Variants in ROBO1 observed in about 807,000 individuals in gnomAD.
ROBO1 encodes roundabout guidance receptor 1.
ROBO1 carries 149 observed loss-of-function variants against 195.9 expected under a neutral mutation model. The ratio of observed to expected loss-of-function variants is 0.76; its 90% confidence interval spans 0.67 to 0.87. The LOEUF (loss-of-function observed/expected upper bound fraction) is 0.87, where lower values mean the gene tolerates loss of function less well. Among genes scored for constraint, ROBO1 ranks in the 40% least tolerant of loss-of-function variants. The pLI is 0.00. For missense variants in ROBO1, 1,933 were observed against 2,068.3 expected (o/e 0.93, Z 1.27); for synonymous variants, 816 against 733.2 (o/e 1.11, Z -1.82).
intron 2 of ROBO1, among the ~76,000 whole-genome samples, chr3:79,457,747 G>A (rs556163382): frequency 6.6e-6 from 1 of 152,226 alleles, no homozygotes; most frequent in East Asian, 1.9e-4. Context: ...ACATGACTTT[G>A]TTCCTCCTTT....
At chr3:79,539,629 G>A (rs1437734800) in intron 2 of ROBO1, among the ~76,000 whole-genome samples, 1 of 151,960 alleles carries the variant, frequency 6.6e-6, no homozygotes, top group African/African-American at 2.4e-5. Context: ...AAAGTCAAGG[G>A]TGTTTATTCA....
rs117044912 is a variant in ROBO1 at position 78,853,677 on chromosome 3, T to A, written c.499+84924A>T. Among the ~76,000 whole-genome samples the A allele has an allele frequency of 5.9e-5, 9 of 152,148 alleles. No individual in the cohort carries two copies. In the East Asian group the frequency reaches 1.4e-3, roughly 23 times the overall value. On this transcript the variant is annotated intron_variant, in intron 4 of 30. Transcript: ENST00000464233. ...ATGTGGCTGAACCTCATCCAACCAGTTGAACGCTGTATTAGTCCATTTTCA... is the reference window on the plus strand; with the variant it reads ...ATGTGGCTGAACCTCATCCAACCAGATGAACGCTGTATTAGTCCATTTTCA...
intron 3 of ROBO1, among the ~76,000 whole-genome samples, chr3:79,076,070 C>A (rs1420974825): frequency 1.3e-5 from 2 of 150,940 alleles, no homozygotes; most frequent in East Asian, 3.9e-4. Context: ...CTTAGTTTTC[C>A]ATTTGTAAAA....
chr3:79,509,318 GTAGTT>G (rs1372402839), intron 2 of ROBO1, among the ~76,000 whole-genome samples: 2 of 151,670 alleles, frequency 1.3e-5, no homozygotes, highest in African/African-American at 4.8e-5. Context: ...CACATTTGCT[GTAGTT>G]TAAACACCTC....
chr3:79,517,825 G>A (rs1412279552), intron 2 of ROBO1, among the ~76,000 whole-genome samples: 3 of 152,172 alleles, frequency 2.0e-5, no homozygotes, highest in Non-Finnish European at 4.4e-5. Flanking sequence ...AAACTCTGTG[G>A]CAGTCTCATT....
At chr3:79,135,508 A>G (rs958384142) in intron 2 of ROBO1, among the ~76,000 whole-genome samples, 19 of 152,264 alleles carry the variant, frequency 1.2e-4, no homozygotes, top group Non-Finnish European at 2.1e-4. Flanking sequence ...CTTAGTTTTT[A>G]GGATACACAC....
chr3:79,455,528 C>T (rs751121136), intron 2 of ROBO1, among the ~76,000 whole-genome samples: 7 of 152,014 alleles, frequency 4.6e-5, no homozygotes, highest in Non-Finnish European at 1.0e-4. Flanking sequence ...TTAAAGGAGA[C>T]ATTTAAATAC....
chr3:79,401,645 T>G (rs1419455802), intron 2 of ROBO1, among the ~76,000 whole-genome samples: 1 of 151,862 alleles, frequency 6.6e-6, no homozygotes, highest in African/African-American at 2.4e-5. Flanking sequence ...AACACAAATT[T>G]GTAAACGCAA....
At chr3:78,995,955 G>T (rs531044984) in intron 3 of ROBO1, among the ~76,000 whole-genome samples, 1 of 152,164 alleles carries the variant, frequency 6.6e-6, no homozygotes, top group East Asian at 1.9e-4. Context: ...GCAAACCAGA[G>T]AACATGGGGG....
chr3:79,683,959 T>C (rs1317175816), intron 1 of ROBO1, among the ~76,000 whole-genome samples: 1 of 152,156 alleles, frequency 6.6e-6, no homozygotes, highest in Non-Finnish European at 1.5e-5. Context: ...ATGTTGGGTA[T>C]ATATTTAGAG....
intron 2 of ROBO1, among the ~76,000 whole-genome samples, chr3:79,583,818 G>A (rs1431529140): frequency 6.6e-6 from 1 of 151,928 alleles, no homozygotes; most frequent in African/African-American, 2.4e-5. Flanking sequence ...TGAATTGCAT[G>A]TGCACATAGC....
intron 3 of ROBO1, among the ~76,000 whole-genome samples, chr3:79,087,524 T>TTCC (rs2079394419): frequency 6.6e-6 from 1 of 151,674 alleles, no homozygotes; most frequent in Non-Finnish European, 1.5e-5. Flanking sequence ...CCTTCCTTCC[T>TTCC]TTCCTTCCTT....
intron 4 of ROBO1, among the ~76,000 whole-genome samples, chr3:78,891,461 G>A (rs2036889403): frequency 6.6e-6 from 1 of 152,094 alleles, no homozygotes; most frequent in South Asian, 2.1e-4. Context: ...ATGACACCAT[G>A]GATGGCAAAA....
In ROBO1 at chr3:78,963,827, C is replaced by A. The variant is rs562486611; in HGVS notation, c.173-24900G>T. 2.2e-3 allele frequency among the ~76,000 whole-genome samples: 339 copies of A among 152,132 alleles called. 1 individual carries two copies. Among genetic ancestry groups the A allele is most frequent in the African/African-American group, 8.0e-3 (331 of 41,504 alleles). ...CCACAGCGCCCCTCCCCTTCAGATT[C>A]TTTAAGAAGGTCATGAATATACAAC... On this transcript the variant is annotated intron_variant, in intron 3 of 30. Coordinates refer to ENST00000464233, the MANE Select transcript of ROBO1 (RefSeq NM_002941.4).
chr3:78,728,416 T>C (rs1304783261), intron 5 of ROBO1, among the ~76,000 whole-genome samples: 1 of 150,806 alleles, frequency 6.6e-6, no homozygotes, highest in Non-Finnish European at 1.5e-5. Flanking sequence ...AAACAGATTG[T>C]ATACCAATAT....
At chr3:78,805,079 T>C (rs1238765368) in intron 4 of ROBO1, among the ~76,000 whole-genome samples, 1 of 152,134 alleles carries the variant, frequency 6.6e-6, no homozygotes, top group South Asian at 2.1e-4. Context: ...ACAGGATTCA[T>C]TATGATTCAT....
intron 2 of ROBO1, among the ~76,000 whole-genome samples, chr3:79,583,896 C>T (rs1035713257): frequency 2.4e-4 from 36 of 151,942 alleles, no homozygotes; most frequent in African/African-American, 7.5e-4. Context: ...ATTACCTTAT[C>T]TGAAGAACAT....
intron 1 of ROBO1, among the ~76,000 whole-genome samples, chr3:79,600,541 T>C (rs113438757): frequency 6.6e-5 from 10 of 151,964 alleles, no homozygotes; most frequent in African/African-American, 2.4e-4. Context: ...ACAAACGAAG[T>C]ATACAGCAAA....
At chr3:78,686,331 C>T (rs1018418271) in intron 9 of ROBO1, among the ~76,000 whole-genome samples, 1 of 151,882 alleles carries the variant, frequency 6.6e-6, no homozygotes, top group Non-Finnish European at 1.5e-5. Context: ...CCGAGGCAGG[C>T]GGATCACGAG....
Sources: allele counts gnomAD v4.1 joint callset (sites outside exome capture counted in the v4.1 genomes callset), GRCh38; gene constraint gnomAD v4.1.1; transcripts MANE v1.5; gene names NCBI Gene and HGNC (gene_info 2026-07-23, HGNC 2026-07-21).